SLC44A5: variants seen among roughly 807,000 people sequenced by gnomAD.
The protein encoded by SLC44A5 is solute carrier family 44 member 5.
A neutral mutation model predicts 101.8 loss-of-function variants in SLC44A5; 57 were observed. That is an observed-to-expected ratio of 0.56 (90% CI 0.45 to 0.70). SLC44A5 has a LOEUF of 0.70. SLC44A5 is among the 30% of genes least tolerant of loss of function. The pLI is 0.00. For synonymous variants in SLC44A5, 281 were observed against 290.9 expected (o/e 0.97, Z 0.35); for missense variants, 737 against 853.1 (o/e 0.86, Z 1.70).
the SLC44A5 span, among the ~76,000 whole-genome samples, chr1:75,654,870 G>A: frequency 6.6e-6 from 1 of 151,916 alleles, no homozygotes; most frequent in East Asian, 1.9e-4. Flanking sequence ...TCTATTGCTC[G>A]AAAGTACTGG....
At chr1:75,438,258 C>T (rs571905741) in intron 2 of SLC44A5, among the ~76,000 whole-genome samples, 20 of 152,144 alleles carry the variant, frequency 1.3e-4, no homozygotes, top group South Asian at 4.2e-4. Flanking sequence ...TGTAGTTTTA[C>T]GACATGAAAT....
At chr1:75,227,626 A>G in intron 13 of SLC44A5, 100 bp downstream of exon 13, 1 of 889,150 alleles carries the variant, frequency 1.1e-6, no homozygotes, top group Non-Finnish European at 1.6e-6. Context: ...ACTAGTGATA[A>G]ATACATTTAA....
At position 75,526,438 on chromosome 1, in the gene SLC44A5, A is replaced by G. The variant is rs562225996; in HGVS notation, c.13+14997T>C. Among the ~76,000 whole-genome samples the G allele has an allele frequency of 8.5e-5, 13 of 152,306 alleles. No individual in the cohort carries two copies. In the East Asian group the frequency reaches 2.3e-3, roughly 27 times the overall value. The stretch of plus-strand genomic sequence containing the variant: ...AGGCCGGTTCCAGGCCAAGACAGCT[A>G]TGAGCTATGCAGCCACTTCCATCTT... On this transcript the variant is annotated intron_variant, in intron 2 of 23. Coordinates refer to ENST00000370859, the MANE Select transcript of SLC44A5 (RefSeq NM_001130058.2).
At chr1:75,350,960 G>A (rs1190601945) in intron 3 of SLC44A5, among the ~76,000 whole-genome samples, 5 of 151,146 alleles carry the variant, frequency 3.3e-5, no homozygotes, top group African/African-American at 1.2e-4. Flanking sequence ...GATAAAGCAT[G>A]TGAATTTTAA....
At chr1:75,687,935 T>A in the SLC44A5 span, among the ~76,000 whole-genome samples, 36 of 152,282 alleles carry the variant, frequency 2.4e-4, no homozygotes, top group Non-Finnish European at 4.4e-4. Context: ...GCAGTTGTTA[T>A]GTCTCACTTT....
upstream of SLC44A5, among the ~76,000 whole-genome samples, chr1:75,615,432 T>TACACACACACACAC (rs776361396): frequency 5.4e-3 from 417 of 76,912 alleles, 2 homozygotes; most frequent in Middle Eastern, 0.016. Flanking sequence ...CACACACACA[T>TACACACACACACAC]ACATACACAC....
chr1:75,671,243 T>C, the SLC44A5 span, among the ~76,000 whole-genome samples: 1 of 152,090 alleles, frequency 6.6e-6, no homozygotes, highest in Non-Finnish European at 1.5e-5. Context: ...AAAGAAGCAG[T>C]TGGTGTGCGT....
At chr1:75,545,330 G>A (rs951158902) in intron 1 of SLC44A5, among the ~76,000 whole-genome samples, 10 of 152,242 alleles carry the variant, frequency 6.6e-5, no homozygotes, top group African/African-American at 2.4e-4. Flanking sequence ...GTGTTCATGT[G>A]TCTTTATAGT....
chr1:75,335,958 G>A (rs1657411288), intron 4 of SLC44A5, among the ~76,000 whole-genome samples: 1 of 152,066 alleles, frequency 6.6e-6, no homozygotes, highest in Admixed American at 6.5e-5. Context: ...CATGTTACTT[G>A]TGCTTGCTCT....
At chr1:75,452,714 T>A (rs1116878) in intron 2 of SLC44A5, among the ~76,000 whole-genome samples, 32,588 of 151,756 alleles carry the variant, frequency 0.21, 4,600 homozygotes, top group East Asian at 0.8. Flanking sequence ...AGATTTATCA[T>A]CCAAATGAAA....
chr1:75,362,187 C>T (rs1022085533), intron 3 of SLC44A5, among the ~76,000 whole-genome samples: 9 of 151,446 alleles, frequency 5.9e-5, no homozygotes, highest in Non-Finnish European at 4.4e-5. Flanking sequence ...TTATTTGAGG[C>T]TTCTCTCTTT....
At chr1:75,206,592 C>CTGT (rs1646752411) in intron 23 of SLC44A5, 3 of 1,479,684 alleles carry the variant, frequency 2.0e-6, no homozygotes, top group Non-Finnish European at 2.8e-6. Context: ...ATGAGTGACA[C>CTGT]TGTTTGGAGC....
chr1:75,559,084 G>A (rs1229434181), intron 1 of SLC44A5, among the ~76,000 whole-genome samples: 2 of 151,914 alleles, frequency 1.3e-5, no homozygotes, highest in African/African-American at 4.8e-5. Context: ...TATTCTTAAA[G>A]TGTTAAGTGG....
At chr1:75,396,460 C>A in intron 3 of SLC44A5, 123 bp downstream of exon 3, 1 of 813,960 alleles carries the variant, frequency 1.2e-6, no homozygotes, top group Admixed American at 2.3e-5. Context: ...AAGCTTCAGT[C>A]AGCAATTATT....
the SLC44A5 span, among the ~76,000 whole-genome samples, chr1:75,673,069 G>A: frequency 1.3e-5 from 2 of 152,084 alleles, no homozygotes; most frequent in Non-Finnish European, 1.5e-5. Flanking sequence ...TGAGGAAAGA[G>A]CAAGGAAGAG....
chr1:75,478,707 C>T (rs1024848018), intron 2 of SLC44A5, among the ~76,000 whole-genome samples: 5 of 152,104 alleles, frequency 3.3e-5, no homozygotes, highest in Admixed American at 6.5e-5. Flanking sequence ...GCTAACTATC[C>T]TAAATATATA....
chr1:75,527,387 C>T (rs1187634177), intron 2 of SLC44A5, among the ~76,000 whole-genome samples: 1 of 149,536 alleles, frequency 6.7e-6, no homozygotes. Flanking sequence ...TACATATCCT[C>T]CTGTATGGGT....
intron 4 of SLC44A5, among the ~76,000 whole-genome samples, chr1:75,323,241 T>G (rs540396777): frequency 3.4e-4 from 52 of 151,626 alleles, no homozygotes; most frequent in Admixed American, 6.6e-4. Flanking sequence ...GATTTCCAAT[T>G]TCATCCATGT....
chr1:75,605,848 C>A (rs1171594950), intron 1 of SLC44A5, among the ~76,000 whole-genome samples: 2 of 152,042 alleles, frequency 1.3e-5, no homozygotes, highest in Admixed American at 1.3e-4. Flanking sequence ...TCAGAAGCAG[C>A]TTCCTAGCTT....
Sources: gnomAD v4.1 joint callset for allele counts (sites outside exome capture counted in the v4.1 genomes callset) on GRCh38, gnomAD v4.1.1 for gene constraint, MANE v1.5 for transcripts, NCBI Gene and HGNC (gene_info 2026-07-23, HGNC 2026-07-21) for gene names.